Variants in SKIL observed in about 807,000 individuals in gnomAD.
The protein encoded by SKIL is ski-like protein.
SKIL carries 20 observed loss-of-function variants against 69.6 expected under a neutral mutation model. The ratio of observed to expected loss-of-function variants is 0.29; its 90% CI spans 0.20 to 0.42. SKIL has a LOEUF of 0.42. Ranked by LOEUF, SKIL falls within the 10% of genes least tolerant of loss-of-function variation. SKIL has a pLI of 1.00. For missense variants in SKIL, 745 were observed against 783.1 expected (o/e 0.95, Z 0.58); for synonymous variants, 310 against 279.9 (o/e 1.11, Z -1.08).
chr3:170,358,901 T>G (rs1265024893), intron 1 of SKIL, among the ~76,000 whole-genome samples: 1 of 152,180 alleles, frequency 6.6e-6, no homozygotes, highest in Non-Finnish European at 1.5e-5. Flanking sequence ...AGAAAGTTAA[T>G]TTTTGCCTGC....
chr3:170,364,343 G>A lies in SKIL; in HGVS notation c.1098+2914G>A, dbSNP rs567626888. ...TTTTTTTTTTTTTTTTTTTTTTTGAGACAGAGTTTCGCTCTTATTGCCCAG... is the reference window on the plus strand; with the variant it reads ...TTTTTTTTTTTTTTTTTTTTTTTGAAACAGAGTTTCGCTCTTATTGCCCAG... On this transcript the variant is annotated intron_variant, in intron 2 of 6. Transcript: ENST00000259119. 2.9e-4 allele frequency among the ~76,000 whole-genome samples: 23 copies of A among 80,014 alleles called. No homozygotes were observed. The South Asian group carries it at 9.6e-3, about 33-fold the overall frequency. The allele number at this position is 80,014 out of a possible 152,430, so 52.5% of individuals were successfully genotyped here. A position where few individuals can be genotyped will look rare whatever the true frequency, so the allele number is the denominator to read the frequency against.
Position 170,385,381 on chromosome 3 carries a change from C to G in SKIL, c.1429+616C>G, listed in dbSNP as rs560909802. Among the ~76,000 whole-genome samples the G allele has an allele frequency of 2.0e-5, 3 of 151,774 alleles. No individual in the cohort carries two copies. In the South Asian group the frequency reaches 6.3e-4, roughly 32 times the overall value. ...TGTTGGGATTACAGTTGTGAGCCAC[C>G]GCACCCAACCTTTATTTTTCTTTCT... On this transcript the variant is annotated intron_variant, in intron 4 of 6. Coordinates refer to ENST00000259119, the MANE Select transcript of SKIL (RefSeq NM_005414.5).
rs369085416 is a variant in SKIL, at chr3:170,390,384, A to G, written c.1591A>G (p.Met531Val). Residue 531 changes from methionine (M) to valine (V), a missense_variant, in exon 5 of 7, where the codon ATG becomes GTG. By Grantham distance (21) the Met-to-Val change is conservative (BLOSUM62 1). Transcript: ENST00000259119. Reference protein sequence around the residue: ...VICEDDKGKIMEEVMRTYLKQ... With the variant: ...VICEDDKGKIVEEVMRTYLKQ... Reference sequence around the variant, plus strand: ...TTGTGAGGATGATAAGGGAAAAATCATGGAAGAAGTAATGAGAACTTATTT... The same window carrying G: ...TTGTGAGGATGATAAGGGAAAAATCGTGGAAGAAGTAATGAGAACTTATTT... 2 of 1,613,906 alleles carry G rather than the reference A, an allele frequency of 1.2e-6. No individual in the cohort carries two copies. The highest frequency in any genetic ancestry group is 1.7e-5 in the Admixed American group (1 of 60,026).
chr3:170,367,478 T>A (rs1172270337), intron 2 of SKIL, among the ~76,000 whole-genome samples: 2 of 17,170 alleles, frequency 1.2e-4, no homozygotes, highest in Admixed American at 1.1e-3. Flanking sequence ...TTTTTTTTTT[T>A]AAATTGAGAT....
rs944205356 is a variant in SKIL, at chr3:170,396,657, C to G, written c.*4240C>G. On this transcript the variant is annotated 3_prime_UTR_variant, in exon 7 of 7. Transcript: ENST00000259119. ...TTATATGGTTTTACTAAAAATAAGA[C>G]TCATGTATCTGGTCACCTAGTTTAC... The G allele has an allele frequency of 1.3e-5, 2 of 152,144 alleles. No individual in the cohort carries two copies. Among genetic ancestry groups the G allele is most frequent in the African/African-American group, 2.4e-5 (1 of 41,436 alleles). The allele number at this position is 152,144 out of a possible 1,614,324, so 9.4% of individuals were successfully genotyped here. A position where few individuals can be genotyped will look rare whatever the true frequency, so the allele number is the denominator to read the frequency against.
rs1458640056 is a variant in SKIL, at chr3:170,390,428, A to T, written c.1635A>T (p.Leu545=). The change falls in exon 5 of 7, where the codon CTA becomes CTT. Residue 545 remains leucine, a synonymous_variant. Transcript: ENST00000259119. ...MRTYLKQQEK[L]NLILQKKQQL... is the part of the protein sequence containing the mutation. ...CTTATTTAAAACAACAGGAAAAACT[A>T]AACTTGATTTTGCAAAAGAAGCAAC... 1 of 1,612,610 alleles carries T rather than the reference A, an allele frequency of 6.2e-7. No homozygotes were observed. Among genetic ancestry groups the T allele is most frequent in the Admixed American group, 1.7e-5 (1 of 59,964 alleles).
chr3:170,360,549 G>A lies in SKIL; in HGVS notation c.218G>A (p.Cys73Tyr), dbSNP rs537371626. 2 of 1,614,102 alleles carry A rather than the reference G, an allele frequency of 1.2e-6. No homozygotes were observed. The highest frequency in any genetic ancestry group is 1.3e-5 in the African/African-American group (1 of 74,944). The change falls in exon 2 of 7, where the codon TGT becomes TAT. Residue 73 changes from cysteine (C) to tyrosine (Y), a missense_variant. Transcript: ENST00000259119. ...GATGGAGAGCATGTTAAGCGAACCT[G>A]TACTTCTGTTCCTGAAACTTTGCAT... ...ETDGEHVKRT[C>Y]TSVPETLHLN...
chr3:170,363,015 A>T (rs1188699506), intron 2 of SKIL, among the ~76,000 whole-genome samples: 2 of 151,830 alleles, frequency 1.3e-5, no homozygotes, highest in Non-Finnish European at 2.9e-5. Flanking sequence ...TTAATGTGTA[A>T]TAACAGTTCC....
At chr3:170,363,510 A>C (rs1014416296) in intron 2 of SKIL, among the ~76,000 whole-genome samples, 6 of 151,248 alleles carry the variant, frequency 4.0e-5, no homozygotes, top group African/African-American at 1.5e-4. Context: ...TTTGAGACAG[A>C]GTTTCGCTCC....
At chr3:170,376,152 AT>A (rs1347144878) in intron 2 of SKIL, among the ~76,000 whole-genome samples, 1 of 142,338 alleles carries the variant, frequency 7.0e-6, no homozygotes, top group East Asian at 2.1e-4. Flanking sequence ...GGTTCAAGTG[AT>A]TCTCCTGCCT....
intron 2 of SKIL, among the ~76,000 whole-genome samples, chr3:170,366,991 TCAA>T (rs1486032584): frequency 2.6e-5 from 4 of 152,234 alleles, no homozygotes; most frequent in East Asian, 3.8e-4. Flanking sequence ...GAAAAAAAGA[TCAA>T]CAGGCAAATT....
chr3:170,364,259 T>C (rs1320101930), intron 2 of SKIL, among the ~76,000 whole-genome samples: 1 of 150,282 alleles, frequency 6.7e-6, no homozygotes, highest in African/African-American at 2.4e-5. Context: ...AGTGGTGGTC[T>C]ACTCTTACAT....
rs1441452298 is a variant in SKIL at position 170,384,659 on chromosome 3, T to C, written c.1323T>C (p.Ala441=). Residue 441 remains alanine, a synonymous_variant, in exon 4 of 7, where the codon GCT becomes GCC. Transcript: ENST00000259119. ...SKSISRQSEK[A]HSSGKLQKTV... Reference sequence around the variant, plus strand: ...CCATATCAAGACAGTCAGAGAAGGCTCACAGTAGTGGTAAACTTCAAAAAA... The same window carrying C: ...CCATATCAAGACAGTCAGAGAAGGCCCACAGTAGTGGTAAACTTCAAAAAA... The C allele has an allele frequency of 6.2e-7, 1 of 1,612,210 alleles. No homozygotes were observed. The highest frequency in any genetic ancestry group is 8.5e-7 in the Non-Finnish European group (1 of 1,178,290).
intron 2 of SKIL, among the ~76,000 whole-genome samples, chr3:170,370,859 C>T (rs555169342): frequency 7.1e-4 from 108 of 151,954 alleles, no homozygotes; most frequent in Non-Finnish European, 1.1e-3. Context: ...ATGGGAGTAT[C>T]GCTTGAGTTG....
chr3:170,359,307 T>A (rs561441180), intron 1 of SKIL, among the ~76,000 whole-genome samples: 1 of 152,344 alleles, frequency 6.6e-6, no homozygotes, highest in Non-Finnish European at 1.5e-5. Context: ...ATTAAGAAAC[T>A]GATTTCGGCC....
At position 170,360,098 on chromosome 3, in the gene SKIL, T is replaced by C; in HGVS notation, c.-234T>C. The stretch of plus-strand genomic sequence containing the variant: ...TCCTCAGAGGTGTGCCTCTTTTCTT[T>C]ATTATTAGAGGCAAAACGAACAATT... On this transcript the variant is annotated 5_prime_UTR_variant, in exon 2 of 7. Transcript: ENST00000259119. 1 of 412,140 alleles carries C rather than the reference T, an allele frequency of 2.4e-6. No homozygotes were observed. The highest frequency in any genetic ancestry group is 4.3e-6 in the Non-Finnish European group (1 of 232,804). The allele number at this position is 412,140 out of a possible 1,614,324, so 25.5% of individuals were successfully genotyped here. A position where few individuals can be genotyped will look rare whatever the true frequency, so the allele number is the denominator to read the frequency against.
At chr3:170,364,239 C>T (rs945046407) in intron 2 of SKIL, among the ~76,000 whole-genome samples, 1 of 151,988 alleles carries the variant, frequency 6.6e-6, no homozygotes, top group Non-Finnish European at 1.5e-5. Context: ...AGGCGTGAGC[C>T]ACCATGCCCA....
chr3:170,385,730 G>C (rs1198341740), intron 4 of SKIL, among the ~76,000 whole-genome samples: 1 of 152,036 alleles, frequency 6.6e-6, no homozygotes, highest in Non-Finnish European at 1.5e-5. Flanking sequence ...AACAGTTGGA[G>C]GGTCCTCTAT....
Position 170,391,115 on chromosome 3 carries a change from C to T in SKIL, c.1751C>T (p.Ser584Phe), listed in dbSNP as rs779496373. ...EQQNLQKELE[S>F]LQNEHAQRME... ...CAGAATTTACAGAAAGAGCTTGAAT[C>T]TTTGCAGAATGAACATGCTCAAAGA... The change falls in exon 6 of 7, where the codon TCT becomes TTT. Residue 584 changes from serine (S) to phenylalanine (F), a missense_variant. By Grantham distance (155) the Ser-to-Phe change is radical. Coordinates refer to ENST00000259119, the MANE Select transcript of SKIL (RefSeq NM_005414.5). The T allele has an allele frequency of 6.2e-7, 1 of 1,610,258 alleles. No individual in the cohort carries two copies. Among genetic ancestry groups the T allele is most frequent in the Middle Eastern group, 1.7e-4 (1 of 6,058 alleles).
Sources: allele counts gnomAD v4.1 joint callset (sites outside exome capture counted in the v4.1 genomes callset), GRCh38; gene constraint gnomAD v4.1.1; transcripts MANE v1.5; gene names NCBI Gene and HGNC (gene_info 2026-07-23, HGNC 2026-07-21).